The following LDB2 variants were observed in gnomAD, a reference collection of about 807,000 sequenced individuals.
LDB2 encodes the protein LIM domain-binding protein 2.
A neutral mutation model predicts 44.3 loss-of-function variants in LDB2; 12 were observed. The observed-to-expected ratio is 0.27, with a 90% confidence interval of 0.17 to 0.44. The LOEUF (loss-of-function observed/expected upper bound fraction) is 0.44, where lower values mean the gene tolerates loss of function less well. Among genes scored for constraint, LDB2 ranks in the 20% least tolerant of loss-of-function variants. The pLI, the probability that LDB2 is intolerant of heterozygous loss-of-function variation, is 1.00. For missense variants in LDB2, 344 were observed against 473.5 expected (o/e 0.73, Z 2.54); for synonymous variants, 164 against 174.8 (o/e 0.94, Z 0.49).
intron 1 of LDB2, among the ~76,000 whole-genome samples, chr4:16,837,200 C>T (rs188841917): frequency 6.6e-6 from 1 of 152,294 alleles, no homozygotes; most frequent in Admixed American, 6.5e-5. Flanking sequence ...CATATTCTGA[C>T]ATGACTGTTT....
chr4:16,663,531 C>T (rs1202779425), intron 2 of LDB2, among the ~76,000 whole-genome samples: 1 of 152,168 alleles, frequency 6.6e-6, no homozygotes, highest in Non-Finnish European at 1.5e-5. Context: ...CTCTACATCA[C>T]CTTGATGACA....
chr4:16,845,002 T>C (rs1786672212), intron 1 of LDB2, among the ~76,000 whole-genome samples: 1 of 152,216 alleles, frequency 6.6e-6, no homozygotes, highest in Non-Finnish European at 1.5e-5. Flanking sequence ...CGGAATCTAC[T>C]GCCCACTGGG....
chr4:16,824,914 T>C (rs1782773702), intron 1 of LDB2, among the ~76,000 whole-genome samples: 2 of 152,208 alleles, frequency 1.3e-5, no homozygotes, highest in African/African-American at 2.4e-5. Context: ...GAGGGAGAGA[T>C]AAAACAAGGA....
chr4:16,719,016 T>C (rs1248771905), intron 2 of LDB2, among the ~76,000 whole-genome samples: 3 of 150,870 alleles, frequency 2.0e-5, no homozygotes, highest in African/African-American at 7.3e-5. Context: ...AAATTGAAAC[T>C]CAAAATAAAT....
chr4:16,800,819 C>T (rs1314885020), intron 1 of LDB2, among the ~76,000 whole-genome samples: 6 of 152,154 alleles, frequency 3.9e-5, no homozygotes, highest in Admixed American at 6.5e-5. Flanking sequence ...GGACTACAGG[C>T]GCCCGCCACC....
intron 1 of LDB2, among the ~76,000 whole-genome samples, chr4:16,820,508 G>T (rs1170273954): frequency 6.6e-6 from 1 of 152,172 alleles, no homozygotes; most frequent in African/African-American, 2.4e-5. Context: ...CAGGTCAAGG[G>T]AACATCGAAG....
At chr4:16,618,126 C>T (rs942304713) in intron 2 of LDB2, among the ~76,000 whole-genome samples, 8 of 152,186 alleles carry the variant, frequency 5.3e-5, no homozygotes, top group Admixed American at 3.3e-4. Context: ...TCTATTACAG[C>T]ATTTTTCACA....
At chr4:16,777,639 A>G (rs2109415217) in intron 1 of LDB2, among the ~76,000 whole-genome samples, 1 of 152,300 alleles carries the variant, frequency 6.6e-6, no homozygotes, top group South Asian at 2.1e-4. Context: ...CCCTCCTGTG[A>G]TGAGACCAAG....
intron 2 of LDB2, among the ~76,000 whole-genome samples, chr4:16,719,840 A>G (rs1757868507): frequency 6.6e-6 from 1 of 152,032 alleles, no homozygotes; most frequent in African/African-American, 2.4e-5. Context: ...TCTCTCCTTC[A>G]CTTCTCACAA....
In LDB2 at chr4:16,898,604, GAGGCAGGC is replaced by G. The variant is rs1174904247; in HGVS notation, c.-127_-120del. On this transcript the variant is annotated 5_prime_UTR_variant, in exon 1 of 8. Transcript: ENST00000304523. ...ACGCACACACGCTCACACACACACAGAGGCAGGCAGGCAGGCAGGCTGAACACGCTGGC... is the reference window on the plus strand; with the variant it reads ...ACGCACACACGCTCACACACACACAGAGGCAGGCAGGCTGAACACGCTGGC... The G allele has an allele frequency of 1.5e-5, 14 of 927,890 alleles. No individual in the cohort carries two copies. The highest frequency in any genetic ancestry group is 2.0e-5 in the Non-Finnish European group (13 of 645,172). 57.5% of individuals were successfully genotyped at this position (927,890 alleles called of 1,614,324 possible).
intron 1 of LDB2, among the ~76,000 whole-genome samples, chr4:16,836,038 C>T (rs781580650): frequency 1.3e-5 from 2 of 152,198 alleles, no homozygotes; most frequent in Non-Finnish European, 2.9e-5. Context: ...AAGCTAGCAA[C>T]ACAATAGAAA....
At chr4:16,748,229 C>G (rs112823377) in intron 2 of LDB2, among the ~76,000 whole-genome samples, 3,578 of 151,904 alleles carry the variant, frequency 0.024, 144 homozygotes, top group African/African-American at 0.082. Flanking sequence ...TGTTGAAAAG[C>G]CAAAAATACA....
chr4:16,624,315 T>C (rs545358008), intron 2 of LDB2, among the ~76,000 whole-genome samples: 2 of 152,244 alleles, frequency 1.3e-5, no homozygotes, highest in South Asian at 4.2e-4. Context: ...CAGGCTAGTC[T>C]CGAACTCCTG....
At chr4:16,541,855 T>C (rs939191045) in intron 5 of LDB2, among the ~76,000 whole-genome samples, 22 of 152,138 alleles carry the variant, frequency 1.4e-4, no homozygotes, top group African/African-American at 4.6e-4. Context: ...GAATTGCTGC[T>C]CTGGGGAATG....
intron 5 of LDB2, among the ~76,000 whole-genome samples, chr4:16,575,222 T>C (rs534932230): frequency 2.6e-5 from 4 of 152,112 alleles, no homozygotes; most frequent in Non-Finnish European, 4.4e-5. Flanking sequence ...CATTAAGAAA[T>C]TGTACGTAAC....
chr4:16,619,254 A>G (rs1474252765), intron 2 of LDB2, among the ~76,000 whole-genome samples: 5 of 151,918 alleles, frequency 3.3e-5, no homozygotes, highest in East Asian at 3.9e-4. Context: ...CCTGCCAGAA[A>G]CTCCTCAAGG....
intron 2 of LDB2, among the ~76,000 whole-genome samples, chr4:16,661,614 G>C (rs1005892294): frequency 6.6e-6 from 1 of 152,104 alleles, no homozygotes; most frequent in East Asian, 1.9e-4. Flanking sequence ...TATTAGTATG[G>C]CTATAACCAT....
At chr4:16,816,837 T>TA (rs1471672317) in intron 1 of LDB2, among the ~76,000 whole-genome samples, 1 of 152,228 alleles carries the variant, frequency 6.6e-6, no homozygotes, top group African/African-American at 2.4e-5. Context: ...TTTATATATA[T>TA]AGTCTCAATT....
intron 1 of LDB2, among the ~76,000 whole-genome samples, chr4:16,786,249 C>T (rs1774402938): frequency 6.6e-6 from 1 of 152,228 alleles, no homozygotes; most frequent in South Asian, 2.1e-4. Flanking sequence ...TTATCAACCA[C>T]TCAAGTTTCC....
Sources: gnomAD v4.1 joint callset for allele counts (sites outside exome capture counted in the v4.1 genomes callset) on GRCh38, gnomAD v4.1.1 for gene constraint, MANE v1.5 for transcripts, NCBI Gene and HGNC (gene_info 2026-07-23, HGNC 2026-07-21) for gene names.